STOX1: variants seen among roughly 807,000 people sequenced by gnomAD.
The protein encoded by STOX1 is storkhead-box protein 1.
In STOX1, 57 loss-of-function variants were observed where a neutral mutation model predicts 74.8. The observed-to-expected ratio is 0.76, with a 90% confidence interval of 0.62 to 0.95. The LOEUF is 0.95. STOX1 is among the 40% of genes least tolerant of loss of function. The pLI is 0.00. For synonymous variants in STOX1, 375 were observed against 401.3 expected (o/e 0.93, Z 0.78); for missense variants, 1,010 against 1,117.0 (o/e 0.90, Z 1.37).
At chr10:68,863,364 C>T (rs931219431) in intron 1 of STOX1, among the ~76,000 whole-genome samples, 3 of 151,970 alleles carry the variant, frequency 2.0e-5, no homozygotes, top group Non-Finnish European at 4.4e-5. Flanking sequence ...TCCTCAGGTT[C>T]TTCGGGATCC....
At chr10:68,840,806 C>T (rs1345141706) in intron 1 of STOX1, among the ~76,000 whole-genome samples, 1 of 152,128 alleles carries the variant, frequency 6.6e-6, no homozygotes, top group Non-Finnish European at 1.5e-5. Flanking sequence ...AGGTAATCTG[C>T]CGCCTCGGCC....
chr10:68,830,027 A>G (rs989073876), intron 1 of STOX1, among the ~76,000 whole-genome samples: 5 of 152,156 alleles, frequency 3.3e-5, no homozygotes. Flanking sequence ...TGGGGGGTCT[A>G]GACCTGGGGG....
intron 1 of STOX1, among the ~76,000 whole-genome samples, chr10:68,879,292 C>G (rs2131988275): frequency 6.6e-6 from 1 of 151,408 alleles, no homozygotes; most frequent in South Asian, 2.1e-4. Context: ...CCCATTTTTC[C>G]CTCCTCTCAT....
At chr10:68,884,203 C>T (rs1477283156) in intron 2 of STOX1, 57 bp from the exon 3 acceptor site, 1 of 1,465,206 alleles carries the variant, frequency 6.8e-7, no homozygotes, top group Non-Finnish European at 9.6e-7. Context: ...TTACTGATTT[C>T]ACTCATTAAA....
chr10:68,881,563 G>T (rs1840813282), intron 1 of STOX1, among the ~76,000 whole-genome samples: 1 of 152,180 alleles, frequency 6.6e-6, no homozygotes, highest in Admixed American at 6.5e-5. Flanking sequence ...TTTAAGTAAA[G>T]AAATAATCCT....
intron 1 of STOX1, among the ~76,000 whole-genome samples, chr10:68,868,351 C>T (rs543952456): frequency 8.2e-4 from 125 of 152,354 alleles, no homozygotes; most frequent in Middle Eastern, 3.4e-3. Flanking sequence ...AACAAAGGGA[C>T]AGGCTCTGAC....
chr10:68,871,714 G>A (rs1326966692), intron 1 of STOX1, among the ~76,000 whole-genome samples: 1 of 152,222 alleles, frequency 6.6e-6, no homozygotes, highest in African/African-American at 2.4e-5. Flanking sequence ...AAAGGGAGAT[G>A]TGGAGAGGGG....
chr10:68,859,073 A>G (rs1035025859), intron 1 of STOX1, among the ~76,000 whole-genome samples: 5 of 152,030 alleles, frequency 3.3e-5, no homozygotes, highest in African/African-American at 4.8e-5. Context: ...ACTCACAGCA[A>G]CTTTCTTCAG....
chr10:68,892,212 TTTGC>T (rs1400989516), intron 3 of STOX1, among the ~76,000 whole-genome samples: 1 of 152,128 alleles, frequency 6.6e-6, no homozygotes, highest in Non-Finnish European at 1.5e-5. Flanking sequence ...AATATAATAA[TTTGC>T]TTTTCTCTTC....
At position 68,880,228 on chromosome 10, in the gene STOX1, G is replaced by A. The variant is rs925411146; in HGVS notation, c.311-1730G>A. On this transcript the variant is annotated intron_variant, in intron 1 of 3. Coordinates refer to ENST00000298596, the MANE Select transcript of STOX1 (RefSeq NM_152709.5). ...GAGACAGGGTCTCACCCTCACCTACGCAGGAGTGCAATGGTGCAGTCATAG... is the reference window on the plus strand; with the variant it reads ...GAGACAGGGTCTCACCCTCACCTACACAGGAGTGCAATGGTGCAGTCATAG... Among the ~76,000 whole-genome samples the A allele has an allele frequency of 2.8e-5, 4 of 143,536 alleles. No homozygotes were observed. In the East Asian group the frequency reaches 8.3e-4, roughly 30 times the overall value. The allele number at this position is 143,536 out of a possible 152,430, so 94.2% of individuals were successfully genotyped here.
At chr10:68,878,129 A>G (rs1251721376) in intron 1 of STOX1, among the ~76,000 whole-genome samples, 1 of 152,236 alleles carries the variant, frequency 6.6e-6, no homozygotes, top group Non-Finnish European at 1.5e-5. Context: ...TCAAGATCAC[A>G]GGAAAAGATG....
chr10:68,847,870 T>C (rs948342906), intron 1 of STOX1, among the ~76,000 whole-genome samples: 2 of 152,034 alleles, frequency 1.3e-5, no homozygotes. Context: ...TAGCTGGGAT[T>C]ACAGGCATGC....
intron 1 of STOX1, among the ~76,000 whole-genome samples, chr10:68,838,071 C>A (rs116547549): frequency 3.5e-5 from 4 of 113,914 alleles, no homozygotes; most frequent in Non-Finnish European, 7.7e-5. Flanking sequence ...TTTTTTTTTT[C>A]TTTTTTCCTT....
chr10:68,852,941 A>C (rs1774009412), intron 1 of STOX1, among the ~76,000 whole-genome samples: 1 of 148,280 alleles, frequency 6.7e-6, no homozygotes, highest in African/African-American at 2.5e-5. Context: ...TTTTTTTTGG[A>C]GACAGAGTTC....
rs1167242930 is a variant in STOX1 at position 68,846,119 on chromosome 10, T to TTTTTTATTATTA, written c.310+18188_310+18189insTTTATTATTATT. Among the ~76,000 whole-genome samples the TTTTTTATTATTA allele has an allele frequency of 1.3e-3, 171 of 135,832 alleles. 1 individual carries two copies. The highest frequency in any genetic ancestry group is 7.7e-3 in the Middle Eastern group (2 of 260). The allele number at this position is 135,832 out of a possible 152,430, so 89.1% of individuals were successfully genotyped here. The stretch of plus-strand genomic sequence containing the variant: ...GTGGTACAAGTTATGGCTTGAGGTT[T>TTTTTTATTATTA]TTATTATTATTATTATTATTATTAT... On this transcript the variant is annotated intron_variant, in intron 1 of 3. Coordinates refer to ENST00000298596, the MANE Select transcript of STOX1 (RefSeq NM_152709.5).
chr10:68,855,707 A>G (rs1246048883), intron 1 of STOX1, among the ~76,000 whole-genome samples: 1 of 151,854 alleles, frequency 6.6e-6, no homozygotes, highest in African/African-American at 2.4e-5. Context: ...AGCCTCCCAA[A>G]ATGGCAGGAT....
downstream of STOX1, among the ~76,000 whole-genome samples, chr10:68,894,740 AT>A (rs1841163441): frequency 1.3e-5 from 2 of 152,072 alleles, no homozygotes; most frequent in South Asian, 4.2e-4. Context: ...CGAAAAAAAA[AT>A]TTTTTTGAGA....
chr10:68,878,355 C>T (rs569429677), intron 1 of STOX1, among the ~76,000 whole-genome samples: 1 of 152,316 alleles, frequency 6.6e-6, no homozygotes, highest in Admixed American at 6.5e-5. Flanking sequence ...TTGTTACCCT[C>T]AGTTCAGAAG....
intron 1 of STOX1, among the ~76,000 whole-genome samples, chr10:68,865,675 A>G (rs1003032369): frequency 3.9e-5 from 6 of 152,084 alleles, no homozygotes; most frequent in Admixed American, 2.6e-4. Context: ...CAAAAGGCCA[A>G]TTTTTTGGAA....
Sources: gnomAD v4.1 joint callset for allele counts (sites outside exome capture counted in the v4.1 genomes callset) on GRCh38, gnomAD v4.1.1 for gene constraint, MANE v1.5 for transcripts, NCBI Gene and HGNC (gene_info 2026-07-23, HGNC 2026-07-21) for gene names.